The following ACTR3 variants were observed in gnomAD, a reference collection of about 807,000 sequenced individuals.
ACTR3 encodes the protein actin related protein 3.
ACTR3 carries 12 observed loss-of-function variants against 56.8 expected under a neutral mutation model. The ratio of observed to expected loss-of-function variants is 0.21; its 90% CI spans 0.14 to 0.34. The LOEUF is 0.34. Ranked by LOEUF, ACTR3 falls within the 10% of genes least tolerant of loss-of-function variation. The pLI is 1.00. For missense variants in ACTR3, 282 were observed against 512.5 expected (o/e 0.55, Z 4.34); for synonymous variants, 162 against 167.4 (o/e 0.97, Z 0.25).
chr2:113,903,836 C>T (rs1574352466), intron 1 of ACTR3, among the ~76,000 whole-genome samples: 2 of 151,168 alleles, frequency 1.3e-5, no homozygotes, highest in East Asian at 3.9e-4. Context: ...ACACTCTCTT[C>T]TCCTTCTGGG....
At chr2:113,951,300 A>G in intron 8 of ACTR3, 179 bp from the exon 9 acceptor site, 2 of 520,432 alleles carry the variant, frequency 3.8e-6, no homozygotes. Flanking sequence ...AATGGTATAT[A>G]TCATCATAAT....
intron 1 of ACTR3, among the ~76,000 whole-genome samples, chr2:113,901,841 A>G (rs1005968494): frequency 1.6e-4 from 24 of 152,212 alleles, no homozygotes; most frequent in African/African-American, 5.1e-4. Context: ...AGTCACCACT[A>G]TATTAGCCCC....
intron 5 of ACTR3, chr2:113,933,912 C>G (rs980306524): frequency 5.1e-5 from 9 of 176,120 alleles, no homozygotes; most frequent in Non-Finnish European, 1.1e-4. Flanking sequence ...GATCTCCTGA[C>G]CTCGTGATCT....
At chr2:113,904,775 A>T (rs1055936565) in intron 1 of ACTR3, 3 of 152,198 alleles carry the variant, frequency 2.0e-5, no homozygotes, top group Admixed American at 6.5e-5. Context: ...ACCTCAGTGC[A>T]CTTTTAATTT....
chr2:113,900,743 G>A (rs1302737023), intron 1 of ACTR3, among the ~76,000 whole-genome samples: 2 of 152,136 alleles, frequency 1.3e-5, no homozygotes, highest in African/African-American at 2.4e-5. Flanking sequence ...TTATTTCAAG[G>A]TTCATGTTCT....
At chr2:113,953,786 C>A (rs1680163072) in intron 10 of ACTR3, 1 of 152,160 alleles carries the variant, frequency 6.6e-6, no homozygotes, top group Admixed American at 6.5e-5. Context: ...TTATCAAAAT[C>A]ATGAAATTAA....
At chr2:113,916,755 T>A (rs1679411830) in intron 2 of ACTR3, 129 bp from the exon 3 acceptor site, 4 of 681,740 alleles carry the variant, frequency 5.9e-6, no homozygotes, top group Non-Finnish European at 8.5e-6. Flanking sequence ...TTTTGTGAAT[T>A]AGTTTGACAA....
chr2:113,906,581 A>T (rs1679195585), intron 1 of ACTR3, among the ~76,000 whole-genome samples: 1 of 152,004 alleles, frequency 6.6e-6, no homozygotes, highest in Admixed American at 6.6e-5. Context: ...TTTTTTTTCT[A>T]AGAGTTCTAT....
Position 113,890,254 on chromosome 2 carries a change from A to C in ACTR3, c.-26A>C. 5 of 1,410,426 alleles carry C rather than the reference A, an allele frequency of 3.5e-6. No homozygotes were observed. Among genetic ancestry groups the C allele is most frequent in the Non-Finnish European group, 4.8e-6 (5 of 1,048,502 alleles). 87.4% of individuals were successfully genotyped at this position (1,410,426 alleles called of 1,614,324 possible). On this transcript the variant is annotated 5_prime_UTR_variant, in exon 1 of 12. Coordinates refer to ENST00000263238, the MANE Select transcript of ACTR3 (RefSeq NM_005721.5). ...CTAGCAGCACGGAGCAGACGGCGGC[A>C]GCAGCAGCAGCAGGCGAGGAGGAAG...
At chr2:113,895,349 C>T (rs1678986825) in intron 1 of ACTR3, among the ~76,000 whole-genome samples, 1 of 152,096 alleles carries the variant, frequency 6.6e-6, no homozygotes, top group Non-Finnish European at 1.5e-5. Context: ...GTAAGTATGG[C>T]AGAGCCACTA....
intron 11 of ACTR3, among the ~76,000 whole-genome samples, chr2:113,956,236 G>GAGTC (rs1384712803): frequency 6.6e-6 from 1 of 151,776 alleles, no homozygotes; most frequent in African/African-American, 2.4e-5. Flanking sequence ...TAAGATAGAA[G>GAGTC]AGTCCATCAA....
At chr2:113,915,065 C>T (rs920536097) in intron 2 of ACTR3, among the ~76,000 whole-genome samples, 5 of 152,158 alleles carry the variant, frequency 3.3e-5, no homozygotes, top group Non-Finnish European at 5.9e-5. Context: ...TGTAGAGGTA[C>T]TTCTTTGGGC....
intron 6 of ACTR3, among the ~76,000 whole-genome samples, chr2:113,938,791 T>C (rs943902517): frequency 6.6e-6 from 1 of 152,118 alleles, no homozygotes; most frequent in Admixed American, 6.5e-5. Context: ...GTTCAACTCC[T>C]CCCCCTCCAA....
rs1001109242 is a variant in ACTR3 at position 113,959,300 on chromosome 2, T to G, written c.*1845T>G. ...TGTATATACTGTTCTGCACTTTGCTTTTATTAAAGATCTTTTGATAAAGAA... is the reference window on the plus strand; with the variant it reads ...TGTATATACTGTTCTGCACTTTGCTGTTATTAAAGATCTTTTGATAAAGAA... On this transcript the variant is annotated 3_prime_UTR_variant, in exon 12 of 12. Transcript: ENST00000263238. 6.6e-6 allele frequency: 1 copy of G among 152,034 alleles called. No individual in the cohort carries two copies. Among genetic ancestry groups the G allele is most frequent in the African/African-American group, 2.4e-5 (1 of 41,436 alleles). 9.4% of individuals were successfully genotyped at this position (152,034 alleles called of 1,614,324 possible).
At chr2:113,905,147 T>A (rs1191398208) in intron 1 of ACTR3, 1 of 152,192 alleles carries the variant, frequency 6.6e-6, no homozygotes, top group Admixed American at 6.5e-5. Flanking sequence ...CATTTTCTTT[T>A]AAACTTTATA....
intron 1 of ACTR3, 83 bp from the exon 2 acceptor site, chr2:113,913,089 T>A: frequency 2.1e-6 from 2 of 943,916 alleles, no homozygotes; most frequent in South Asian, 1.6e-5. Context: ...GGAATCTCAC[T>A]TCATAACAAA....
At chr2:113,940,170 A>G (rs911165686) in intron 7 of ACTR3, 68 bp downstream of exon 7, 20 of 1,359,508 alleles carry the variant, frequency 1.5e-5, no homozygotes, top group Non-Finnish European at 6.1e-6. Context: ...TAACGTGAGA[A>G]ATTTTTAATA....
chr2:113,890,006 G>A (rs1329750025), upstream of ACTR3: 2 of 552,862 alleles, frequency 3.6e-6, no homozygotes, highest in East Asian at 3.3e-5. Context: ...GAAGTTGTAG[G>A]GTGGGGGCAG....
chr2:113,934,232 G>GTTTTTTTTTTTTTTTTTTTT (rs5833524), intron 5 of ACTR3, 47 bp from the exon 6 acceptor site: 3 of 955,206 alleles, frequency 3.1e-6, no homozygotes, highest in African/African-American at 1.9e-5. Flanking sequence ...TTGTTTTTTT[G>GTTTTTTTTTTTTTTTTTTTT]TTTTTTTTTT....
Sources: allele counts gnomAD v4.1 joint callset (sites outside exome capture counted in the v4.1 genomes callset), GRCh38; gene constraint gnomAD v4.1.1; transcripts MANE v1.5; gene names NCBI Gene and HGNC (gene_info 2026-07-23, HGNC 2026-07-21).